Variants in TENM3 observed in about 807,000 individuals in gnomAD.
TENM3 encodes teneurin-3.
TENM3 carries 63 observed loss-of-function variants against 255.1 expected under a neutral mutation model. The observed-to-expected ratio is 0.25, with a 90% CI of 0.20 to 0.30. TENM3 has a LOEUF of 0.30. Ranked by LOEUF, TENM3 falls within the 10% of genes least tolerant of loss-of-function variation. The pLI, the probability that TENM3 is intolerant of heterozygous loss-of-function variation, is 1.00. For synonymous variants in TENM3, 1,306 were observed against 1,322.3 expected, an observed-to-expected ratio of 0.99 and a Z score of 0.27; for missense variants, 2,929 against 3,461.1, an observed-to-expected ratio of 0.85 and a Z score of 3.86.
At chr4:182,604,227 A>C (rs972553626) in intron 4 of TENM3, among the ~76,000 whole-genome samples, 1 of 152,200 alleles carries the variant, frequency 6.6e-6, no homozygotes, top group African/African-American at 2.4e-5. Context: ...TGAATAGAAT[A>C]CTTCTGGTCT....
At chr4:182,075,390 G>A in the TENM3 span, among the ~76,000 whole-genome samples, 1 of 151,886 alleles carries the variant, frequency 6.6e-6, no homozygotes, top group East Asian at 1.9e-4. Flanking sequence ...AGTAGAGACG[G>A]GGTTTCACCA....
At chr4:182,204,464 CT>C (rs1754415489) in intron 1 of TENM3, among the ~76,000 whole-genome samples, 1 of 152,100 alleles carries the variant, frequency 6.6e-6, no homozygotes, top group African/African-American at 2.4e-5. Flanking sequence ...TGAAAATACC[CT>C]TGCAATAAAT....
At chr4:182,210,044 G>A (rs183989482) in intron 1 of TENM3, among the ~76,000 whole-genome samples, 16 of 152,144 alleles carry the variant, frequency 1.1e-4, no homozygotes, top group Admixed American at 3.3e-4. Context: ...CGCATCCTCC[G>A]CCATGAATCC....
intron 2 of TENM3, among the ~76,000 whole-genome samples, chr4:182,329,488 G>T (rs959973536): frequency 6.6e-6 from 1 of 152,136 alleles, no homozygotes; most frequent in African/African-American, 2.4e-5. Flanking sequence ...AATCTAACAC[G>T]ATTTCCCGCT....
At chr4:181,621,774 C>T in the TENM3 span, among the ~76,000 whole-genome samples, 2 of 152,146 alleles carry the variant, frequency 1.3e-5, no homozygotes, top group African/African-American at 4.8e-5. Flanking sequence ...AGTGAACTCC[C>T]ACTACCTGAG....
intron 3 of TENM3, among the ~76,000 whole-genome samples, chr4:182,467,383 G>A (rs955613444): frequency 6.6e-6 from 1 of 152,012 alleles, no homozygotes; most frequent in Non-Finnish European, 1.5e-5. Context: ...GTTTTAAGTG[G>A]CAAAACTGAT....
At chr4:182,651,300 T>C (rs1561056931) in intron 5 of TENM3, among the ~76,000 whole-genome samples, 1 of 152,080 alleles carries the variant, frequency 6.6e-6, no homozygotes, top group Non-Finnish European at 1.5e-5. Context: ...TCAAACACTA[T>C]GCAATTTAAT....
At chr4:182,112,533 T>A in the TENM3 span, among the ~76,000 whole-genome samples, 1 of 152,222 alleles carries the variant, frequency 6.6e-6, no homozygotes. Context: ...ACTATTGACA[T>A]CCCTCAGCAC....
chr4:181,816,981 G>A, the TENM3 span, among the ~76,000 whole-genome samples: 1 of 152,230 alleles, frequency 6.6e-6, no homozygotes, highest in South Asian at 2.1e-4. Context: ...GTAAACTGGG[G>A]CTGCAAAAGG....
the TENM3 span, among the ~76,000 whole-genome samples, chr4:181,605,582 A>T: frequency 3.2e-4 from 9 of 28,236 alleles, 2 homozygotes; most frequent in East Asian, 1.2e-3. Context: ...GAGAGAAAGA[A>T]AGGAAAGAAA....
rs1485067097 is a variant in TENM3, at chr4:182,793,987, C to G, written c.7213+102C>G. ...TTTTTAAAAAACTTTATACTTTACT[C>G]AGGCAAAGGCAAATGGCTAACCTTT... On this transcript the variant is annotated intron_variant, in intron 26 of 27. Transcript: ENST00000511685. This position sits in a 1 kb window ranked among gnomAD's most constrained non-coding sequence, Gnocchi z 5.7. 3.9e-6 allele frequency: 4 copies of G among 1,029,170 alleles called. No homozygotes were observed. The highest frequency in any genetic ancestry group is 2.8e-6 in the Non-Finnish European group (2 of 718,950). 63.8% of individuals were successfully genotyped at this position (1,029,170 alleles called of 1,614,324 possible).
chr4:181,966,275 C>A, the TENM3 span, among the ~76,000 whole-genome samples: 1 of 152,092 alleles, frequency 6.6e-6, no homozygotes, highest in Non-Finnish European at 1.5e-5. Context: ...CTGTGTCATT[C>A]AGTTTGGGGT....
chr4:181,891,442 C>T, the TENM3 span, among the ~76,000 whole-genome samples: 5 of 152,242 alleles, frequency 3.3e-5, no homozygotes, highest in South Asian at 6.2e-4. Context: ...CTTTTGATAC[C>T]GTGATTCCCT....
chr4:182,703,566 A>G (rs904331445), intron 12 of TENM3, among the ~76,000 whole-genome samples: 2 of 152,252 alleles, frequency 1.3e-5, no homozygotes, highest in East Asian at 1.9e-4. Context: ...AGAAAAGTGT[A>G]TACAAGTGGT....
chr4:182,339,579 G>A (rs570236070), intron 2 of TENM3, among the ~76,000 whole-genome samples: 1 of 152,252 alleles, frequency 6.6e-6, no homozygotes, highest in East Asian at 1.9e-4. Context: ...GGACGCAGTG[G>A]GGGTAATCCT....
Position 182,203,537 on chromosome 4 carries a change from A to G in TENM3, c.-76+58783A>G, listed in dbSNP as rs1336036031. Among the ~76,000 whole-genome samples the G allele has an allele frequency of 3.3e-5, 5 of 152,298 alleles. No homozygotes were observed. In the East Asian group the frequency reaches 9.7e-4, roughly 29 times the overall value. On this transcript the variant is annotated intron_variant, in intron 1 of 2. Coordinates refer to the TENM3 transcript ENST00000512480. ...ATGACAAAGGCAGTTGGGAGACTTGAGTTCCTGTTTCTGGGGCCAAGAGTT... is the reference window on the plus strand; with the variant it reads ...ATGACAAAGGCAGTTGGGAGACTTGGGTTCCTGTTTCTGGGGCCAAGAGTT...
chr4:182,393,044 A>T (rs1768546989), intron 3 of TENM3, among the ~76,000 whole-genome samples: 1 of 152,214 alleles, frequency 6.6e-6, no homozygotes, highest in Admixed American at 6.5e-5. Flanking sequence ...TGAGGGATAA[A>T]AGATGCTATC....
rs141104466 is a variant in TENM3, at chr4:182,232,569, C to G, written c.-76+87815C>G. 5.9e-4 allele frequency among the ~76,000 whole-genome samples: 89 copies of G among 152,116 alleles called. 1 individual carries two copies. In the Middle Eastern group the frequency reaches 0.024, roughly 41 times the overall value. On this transcript the variant is annotated intron_variant, in intron 1 of 2. Transcript: ENST00000512480. ...CGAAACCCCATGTCTACTAAAAATA[C>G]GAAAATTAGCTGGGTGTGGTGGGAG...
the TENM3 span, among the ~76,000 whole-genome samples, chr4:181,888,560 A>G: frequency 3.0e-5 from 3 of 100,782 alleles, no homozygotes; most frequent in Non-Finnish European, 4.0e-5. Context: ...GTATATATAT[A>G]CATATATGTA....
Sources: allele counts gnomAD v4.1 joint callset (sites outside exome capture counted in the v4.1 genomes callset), GRCh38; gene constraint gnomAD v4.1.1; non-coding constraint Gnocchi (gnomAD v3.1); transcripts MANE v1.5; gene names NCBI Gene and HGNC (gene_info 2026-07-23, HGNC 2026-07-21).